Variants in FAM83D observed in about 807,000 individuals in gnomAD.
FAM83D encodes scaffolding CK1 anchoring protein D, also known as protein FAM83D.
In FAM83D, 26 loss-of-function variants were observed where a neutral mutation model predicts 25.4. The observed-to-expected ratio is 1.02, with a 90% CI of 0.75 to 1.42. The LOEUF (loss-of-function observed/expected upper bound fraction) is 1.42. FAM83D is among the 40% of genes most tolerant of loss of function. The pLI is 0.00. For missense variants in FAM83D, 740 were observed against 758.1 expected, an observed-to-expected ratio of 0.98 and a Z score of 0.28; for synonymous variants, 310 against 318.5, an observed-to-expected ratio of 0.97 and a Z score of 0.28.
At position 38,926,704 on chromosome 20, in the gene FAM83D, G is replaced by A. The variant is rs1016695822; in HGVS notation, c.262G>A (p.Asp88Asn). The A allele has an allele frequency of 6.6e-7, 1 of 1,521,064 alleles. No individual in the cohort carries two copies. Among genetic ancestry groups the A allele is most frequent in the African/African-American group, 1.4e-5 (1 of 71,184 alleles). The allele number at this position is 1,521,064 out of a possible 1,614,324, so 94.2% of individuals were successfully genotyped here. The part of the protein sequence containing the change: ...EGAAAAAAAE[D>N]SFGSSHDCSS... ...CGCGGCGGCGGCGGCGGCGGCCGAG[G>A]ACTCGTTCGGCTCCTCGCACGACTG... Residue 88 changes from aspartate (D) to asparagine (N), a missense_variant, in exon 1 of 4, where the codon GAC (aspartate) becomes AAC (asparagine). By Grantham distance (23) the Asp-to-Asn change is conservative. Transcript: ENST00000619850.
At chr20:38,936,376 T>G (rs2085679154) in intron 1 of FAM83D, among the ~76,000 whole-genome samples, 1 of 150,436 alleles carries the variant, frequency 6.6e-6, no homozygotes, top group Non-Finnish European at 1.5e-5. Context: ...GAGACTCAGA[T>G]GGAATGGCTT....
chr20:38,947,865 C>T lies in FAM83D; in HGVS notation c.652-11C>T. The T allele has an allele frequency of 6.2e-7, 1 of 1,613,218 alleles. No homozygotes were observed. The highest frequency in any genetic ancestry group is 8.5e-7 in the Non-Finnish European group (1 of 1,179,558). ...TTGTTCATTTATATTTCTCCCACTC[C>T]CTGCCAACAGTTAATGACAGTTCGG... On this transcript the variant is annotated splice_polypyrimidine_tract_variant and intron_variant, in intron 2 of 3. Transcript: ENST00000619850.
chr20:38,935,578 G>T (rs1011017905), intron 1 of FAM83D, among the ~76,000 whole-genome samples: 1 of 152,140 alleles, frequency 6.6e-6, no homozygotes, highest in African/African-American at 2.4e-5. Flanking sequence ...GAGTAACTGG[G>T]ACTTAAAGGC....
intron 3 of FAM83D, among the ~76,000 whole-genome samples, chr20:38,950,081 A>G (rs2085746538): frequency 1.3e-5 from 2 of 152,098 alleles, no homozygotes; most frequent in East Asian, 1.9e-4. Flanking sequence ...TTGGCCTCCC[A>G]AAGTGCTGGG....
chr20:38,941,880 G>T (rs968662670), intron 1 of FAM83D, 79 bp from the exon 2 acceptor site: 1 of 1,389,912 alleles, frequency 7.2e-7, no homozygotes. Context: ...AGTTCTGAGT[G>T]GAGTCCAGAG....
At position 38,951,647 on chromosome 20, in the gene FAM83D, G is replaced by C; in HGVS notation, c.885G>C (p.Lys295Asn). The change falls in exon 4 of 4, where the codon AAG becomes AAC. Residue 295 changes from lysine (K) to asparagine (N), a missense_variant. Lys to Asn is a moderately conservative substitution (Grantham distance 94). Around this residue, in one of 3 missense-constraint regions of FAM83D, gnomAD observed 375 missense variants for 403.2 expected, o/e 0.93. Transcript: ENST00000619850. ...LEFRILYAQS[K>N]PISPKLLSHF... is the part of the protein sequence containing the mutation. ...TCCGAATCCTGTATGCCCAGTCCAAGCCCATCAGCCCCAAACTCCTGTCTC... is the reference window on the plus strand; with the variant it reads ...TCCGAATCCTGTATGCCCAGTCCAACCCCATCAGCCCCAAACTCCTGTCTC... 6.2e-7 allele frequency: 1 copy of C among 1,614,188 alleles called. No homozygotes were observed. Among genetic ancestry groups the C allele is most frequent in the Non-Finnish European group, 8.5e-7 (1 of 1,180,032 alleles).
intron 1 of FAM83D, among the ~76,000 whole-genome samples, chr20:38,932,128 G>A (rs141369629): frequency 6.6e-6 from 1 of 152,370 alleles, no homozygotes; most frequent in African/African-American, 2.4e-5. Context: ...GCTCATGCCT[G>A]TAATCCCAGT....
intron 1 of FAM83D, among the ~76,000 whole-genome samples, chr20:38,935,028 TA>T (rs2085673035): frequency 6.6e-6 from 1 of 152,188 alleles, no homozygotes; most frequent in African/African-American, 2.4e-5. Flanking sequence ...CATGTTTATA[TA>T]AAACAAATAT....
Position 38,952,080 on chromosome 20 carries a change from A to G in FAM83D, c.1318A>G (p.Thr440Ala). Residue 440 changes from threonine (T) to alanine (A), a missense_variant, in exon 4 of 4, where the codon ACC (threonine) becomes GCC (alanine). Thr to Ala is a moderately conservative substitution (Grantham distance 58). Coordinates refer to ENST00000619850, the MANE Select transcript of FAM83D (RefSeq NM_030919.3). ...SSQTTIWSRS[T>A]TTQTDMDENI... ...TCAAACCACGATTTGGTCCAGATCG[A>G]CCACTACTCAGACTGACATGGATGA... 1 of 1,614,200 alleles carries G rather than the reference A, an allele frequency of 6.2e-7. No individual in the cohort carries two copies. The highest frequency in any genetic ancestry group is 8.5e-7 in the Non-Finnish European group (1 of 1,180,038).
At chr20:38,945,208 A>G (rs2145806459) in intron 2 of FAM83D, among the ~76,000 whole-genome samples, 1 of 152,242 alleles carries the variant, frequency 6.6e-6, no homozygotes, top group South Asian at 2.1e-4. Flanking sequence ...ACAGAGGCAT[A>G]TGCAACATTC....
chr20:38,951,813 C>G lies in FAM83D; in HGVS notation c.1051C>G (p.Pro351Ala). The G allele has an allele frequency of 1.2e-6, 2 of 1,614,200 alleles. No homozygotes were observed. Among genetic ancestry groups the G allele is most frequent in the Non-Finnish European group, 8.5e-7 (1 of 1,180,032 alleles). ...PRKADLDPEM[P>A]AEGKAERKPH... is the part of the protein sequence containing the mutation. The stretch of plus-strand genomic sequence containing the variant: ...GAAGGCGGACCTGGACCCAGAGATG[C>G]CCGCAGAGGGCAAGGCAGAGCGCAA... Residue 351 changes from proline to alanine, a missense_variant, in exon 4 of 4, where the codon CCC becomes GCC. Physicochemically the swap from Pro to Ala is conservative, Grantham distance 27 (BLOSUM62 -1). Coordinates refer to ENST00000619850, the MANE Select transcript of FAM83D (RefSeq NM_030919.3).
At chr20:38,927,719 G>A (rs975867675) in intron 1 of FAM83D, among the ~76,000 whole-genome samples, 1 of 151,780 alleles carries the variant, frequency 6.6e-6, no homozygotes, top group South Asian at 2.1e-4. Flanking sequence ...AGCTGGTCTC[G>A]AACTCCTGAC....
At chr20:38,951,172 C>A (rs1332650718) in intron 3 of FAM83D, among the ~76,000 whole-genome samples, 3 of 152,162 alleles carry the variant, frequency 2.0e-5, no homozygotes, top group Non-Finnish European at 4.4e-5. Flanking sequence ...TGAGGTGGCT[C>A]ACACCTGTAA....
In FAM83D at chr20:38,935,601, G is replaced by A. The variant is rs73110621; in HGVS notation, c.484-6358G>A. 1.6e-3 allele frequency among the ~76,000 whole-genome samples: 237 copies of A among 152,160 alleles called. 1 individual carries two copies. The highest frequency in any genetic ancestry group is 1.9e-3 in the Non-Finnish European group (131 of 68,000). On this transcript the variant is annotated intron_variant, in intron 1 of 3. Transcript: ENST00000619850. ...GGGACTTAAAGGCACATGCCACCAC[G>A]CCCAGATAATTAAAAAAATTTTTTC...
Position 38,952,040 on chromosome 20 carries a change from C to T in FAM83D, c.1278C>T (p.Thr426=). 6.2e-7 allele frequency: 1 copy of T among 1,614,234 alleles called. No homozygotes were observed. Among genetic ancestry groups the T allele is most frequent in the Non-Finnish European group, 8.5e-7 (1 of 1,180,032 alleles). The part of the protein sequence containing the change: ...ACAGTQTAVI[T]RIASSQTTIW... ...CTGGTACCCAGACTGCAGTCATCAC[C>T]AGGATAGCAAGCTCTCAAACCACGA... Residue 426 remains threonine, a synonymous_variant, in exon 4 of 4, where the codon ACC becomes ACT. Coordinates refer to ENST00000619850, the MANE Select transcript of FAM83D (RefSeq NM_030919.3).
chr20:38,927,687 CG>C (rs1264497223), intron 1 of FAM83D, among the ~76,000 whole-genome samples: 1 of 151,782 alleles, frequency 6.6e-6, no homozygotes, highest in Non-Finnish European at 1.5e-5. Context: ...TTAGTAGAGA[CG>C]GGGTTTCTCC....
At chr20:38,931,351 G>A (rs1260303581) in intron 1 of FAM83D, among the ~76,000 whole-genome samples, 2 of 152,242 alleles carry the variant, frequency 1.3e-5, no homozygotes, top group Non-Finnish European at 2.9e-5. Context: ...GATGCCAGGA[G>A]AACATAGGTC....
At chr20:38,935,314 T>C (rs533971375) in intron 1 of FAM83D, among the ~76,000 whole-genome samples, 123 of 152,334 alleles carry the variant, frequency 8.1e-4, no homozygotes, top group Non-Finnish European at 1.4e-3. Context: ...GCTTGTGTAC[T>C]TCATGCTGGA....
At chr20:38,948,142 G>C in intron 3 of FAM83D, 142 bp downstream of exon 3, 3 of 1,021,776 alleles carry the variant, frequency 2.9e-6, no homozygotes, top group Non-Finnish European at 2.7e-6. Flanking sequence ...ATAGCAGCTG[G>C]TTATCAAAGC....
Sources: gnomAD v4.1 joint callset for allele counts (sites outside exome capture counted in the v4.1 genomes callset) on GRCh38, gnomAD v4.1.1 for gene constraint, gnomAD v4.1.1 regional missense constraint, MANE v1.5 for transcripts, NCBI Gene and HGNC (gene_info 2026-07-23, HGNC 2026-07-21) for gene names.